The following DOK6 variants were observed in gnomAD, a reference collection of about 807,000 sequenced individuals.
DOK6 encodes downstream of tyrosine kinase 6.
A neutral mutation model predicts 44.0 loss-of-function variants in DOK6; 22 were observed. The observed-to-expected ratio is 0.50, with a 90% CI of 0.36 to 0.71. The LOEUF (loss-of-function observed/expected upper bound fraction) is 0.71. Ranked by LOEUF, DOK6 falls within the 30% of genes least tolerant of loss-of-function variation. The pLI is 0.00. For synonymous variants in DOK6, 166 were observed against 145.5 expected (o/e 1.14, Z -1.01); for missense variants, 340 against 416.4 (o/e 0.82, Z 1.60).
chr18:69,838,270 C>A (rs952364862), intron 7 of DOK6, among the ~76,000 whole-genome samples: 1 of 150,676 alleles, frequency 6.6e-6, no homozygotes, highest in Non-Finnish European at 1.5e-5. Flanking sequence ...AAAACCAAGG[C>A]CAGGAGCATT....
At chr18:69,408,718 A>G (rs1978294241) in intron 1 of DOK6, among the ~76,000 whole-genome samples, 1 of 152,184 alleles carries the variant, frequency 6.6e-6, no homozygotes, top group South Asian at 2.1e-4. Context: ...TGCCTCACAT[A>G]GTATGACAGT....
intron 1 of DOK6, among the ~76,000 whole-genome samples, chr18:69,505,094 C>T (rs962973439): frequency 1.3e-5 from 2 of 152,058 alleles, no homozygotes; most frequent in Non-Finnish European, 2.9e-5. Flanking sequence ...TTTCTAGTTC[C>T]CACAGTCCAC....
intron 1 of DOK6, among the ~76,000 whole-genome samples, chr18:69,562,722 T>C (rs1388890732): frequency 6.6e-6 from 1 of 152,136 alleles, no homozygotes; most frequent in African/African-American, 2.4e-5. Context: ...GGTAATACCA[T>C]TCAGGACATA....
chr18:69,680,693 C>T (rs1375214733), intron 4 of DOK6, among the ~76,000 whole-genome samples: 1 of 152,174 alleles, frequency 6.6e-6, no homozygotes, highest in Non-Finnish European at 1.5e-5. Flanking sequence ...TTCCCCCATA[C>T]TTATGATAAT....
Position 69,537,443 on chromosome 18 carries a change from A to C in DOK6, c.67-27044A>C, listed in dbSNP as rs541684618. 2.6e-5 allele frequency among the ~76,000 whole-genome samples: 4 copies of C among 152,202 alleles called. No homozygotes were observed. In the East Asian group the frequency reaches 7.7e-4, roughly 29 times the overall value. On this transcript the variant is annotated intron_variant, in intron 1 of 7. Transcript: ENST00000382713. Reference sequence around the variant, plus strand: ...TTTGTATGCTGGTCTGCCCCACCAGACTGCCAGTTCCTTCAAGCTGGAATC... The same window carrying C: ...TTTGTATGCTGGTCTGCCCCACCAGCCTGCCAGTTCCTTCAAGCTGGAATC...
chr18:69,551,096 A>G (rs1341173425), intron 1 of DOK6, among the ~76,000 whole-genome samples: 1 of 152,230 alleles, frequency 6.6e-6, no homozygotes, highest in African/African-American at 2.4e-5. Flanking sequence ...GGAAAAAAAC[A>G]TTAGTGAAAG....
chr18:69,513,818 C>T (rs1373829704), intron 1 of DOK6, among the ~76,000 whole-genome samples: 1 of 151,978 alleles, frequency 6.6e-6, no homozygotes, highest in Non-Finnish European at 1.5e-5. Context: ...AAAACTGCAA[C>T]ATTATAATTT....
chr18:69,619,558 A>C (rs1362644600), intron 3 of DOK6, among the ~76,000 whole-genome samples: 1 of 152,238 alleles, frequency 6.6e-6, no homozygotes, highest in East Asian at 1.9e-4. Flanking sequence ...AATGATGACC[A>C]AAATCGTGAG....
intron 5 of DOK6, among the ~76,000 whole-genome samples, chr18:69,735,283 C>A (rs1023216761): frequency 3.9e-5 from 6 of 152,230 alleles, no homozygotes; most frequent in Non-Finnish European, 8.8e-5. Context: ...TACACTCTTA[C>A]TGCATTATTG....
At chr18:69,623,715 TG>T (rs1431393806) in intron 3 of DOK6, among the ~76,000 whole-genome samples, 1 of 152,208 alleles carries the variant, frequency 6.6e-6, no homozygotes, top group African/African-American at 2.4e-5. Flanking sequence ...TCCTACACTT[TG>T]AACTCATTTG....
In DOK6 at chr18:69,663,613, A is replaced by G. The variant is rs572197531; in HGVS notation, c.290-14121A>G. 3.9e-3 allele frequency among the ~76,000 whole-genome samples: 591 copies of G among 152,330 alleles called. 8 individuals carry two copies. Among genetic ancestry groups the G allele is most frequent in the African/African-American group, 0.014 (570 of 41,580 alleles). Reference sequence around the variant, plus strand: ...GTTAACTAAGAAATTGTGGAGATGCATGGTTCTGAGAAGAATCGGGGAATT... The same window carrying G: ...GTTAACTAAGAAATTGTGGAGATGCGTGGTTCTGAGAAGAATCGGGGAATT... On this transcript the variant is annotated intron_variant, in intron 3 of 7. Transcript: ENST00000382713.
At chr18:69,511,312 A>G (rs747219434) in intron 1 of DOK6, among the ~76,000 whole-genome samples, 1 of 152,194 alleles carries the variant, frequency 6.6e-6, no homozygotes, top group African/African-American at 2.4e-5. Context: ...CACAAGGTAC[A>G]GATTCATAAC....
chr18:69,424,204 G>A (rs1978573715), intron 1 of DOK6, among the ~76,000 whole-genome samples: 1 of 152,100 alleles, frequency 6.6e-6, no homozygotes, highest in Admixed American at 6.6e-5. Flanking sequence ...GCATAGGTTG[G>A]CCACATACTT....
intron 1 of DOK6, among the ~76,000 whole-genome samples, chr18:69,500,114 A>G (rs1441437633): frequency 6.6e-6 from 1 of 152,178 alleles, no homozygotes; most frequent in African/African-American, 2.4e-5. Flanking sequence ...TGATACAGGT[A>G]CATGAGATTG....
rs755913828 is a variant in DOK6 at position 69,757,861 on chromosome 18, TAC to T, written c.846_847del (p.Tyr282Ter). 12 of 1,613,932 alleles carry T rather than the reference TAC, an allele frequency of 7.4e-6. No individual in the cohort carries two copies. The highest frequency in any genetic ancestry group is 3.3e-5 in the Admixed American group (2 of 60,008). On this transcript the variant is annotated frameshift_variant, in exon 7 of 8. Coordinates refer to ENST00000382713, the MANE Select transcript of DOK6 (RefSeq NM_152721.6). LOFTEE classifies it high-confidence loss of function. ...TCGTCAGAACAGCGTTGGTGAAATCTACAGTTTGCAAGGCAAGTCACTTTAAT... is the reference window on the plus strand; with the variant it reads ...TCGTCAGAACAGCGTTGGTGAAATCTAGTTTGCAAGGCAAGTCACTTTAAT... ...ITRQNSVGEIYSLQGHGFGSS... is the reference protein window; with the variant it reads ...ITRQNSVGEIXSLQGHGFGSS...
At chr18:69,774,510 T>C (rs77121329) in intron 7 of DOK6, among the ~76,000 whole-genome samples, 3,215 of 151,904 alleles carry the variant, frequency 0.021, 47 homozygotes, top group Middle Eastern at 0.075. Flanking sequence ...GGAAATAAAA[T>C]TTTTTTAAAA....
chr18:69,595,433 T>C (rs560654769), intron 2 of DOK6, among the ~76,000 whole-genome samples: 7 of 152,310 alleles, frequency 4.6e-5, no homozygotes, highest in African/African-American at 1.4e-4. Flanking sequence ...CCTCAAAAAT[T>C]GATGTGGATG....
chr18:69,701,159 C>T (rs1470022035), intron 5 of DOK6, among the ~76,000 whole-genome samples: 1 of 152,218 alleles, frequency 6.6e-6, no homozygotes, highest in African/African-American at 2.4e-5. Context: ...AAGCATCCTT[C>T]AGTCACCCTT....
chr18:69,657,534 C>T (rs1422609441), intron 3 of DOK6, among the ~76,000 whole-genome samples: 1 of 152,108 alleles, frequency 6.6e-6, no homozygotes, highest in Admixed American at 6.5e-5. Flanking sequence ...ACAGCATAAT[C>T]TAAGTAAAAG....
Sources: gnomAD v4.1 joint callset for allele counts (sites outside exome capture counted in the v4.1 genomes callset) on GRCh38, gnomAD v4.1.1 for gene constraint, MANE v1.5 for transcripts, NCBI Gene and HGNC (gene_info 2026-07-23, HGNC 2026-07-21) for gene names.